ANKRD24: variants seen among roughly 807,000 people sequenced by gnomAD.
ANKRD24 encodes the protein ankyrin repeat domain-containing protein 24.
In ANKRD24, 109 loss-of-function variants were observed where a neutral mutation model predicts 127.8. That is an observed-to-expected ratio of 0.85 (90% CI 0.73 to 1.00). The LOEUF (loss-of-function observed/expected upper bound fraction) is 1.00. ANKRD24 is among the 50% of genes least tolerant of loss of function. The pLI, the probability that ANKRD24 is intolerant of heterozygous loss-of-function variation, is 0.00. For synonymous variants in ANKRD24, 743 were observed against 671.1 expected, an observed-to-expected ratio of 1.11 and a Z score of -1.66; for missense variants, 1,648 against 1,570.2, an observed-to-expected ratio of 1.05 and a Z score of -0.84.
chr19:4,186,150 A>G (rs1315264473), intron 1 of ANKRD24: 5 of 840,298 alleles, frequency 6.0e-6, no homozygotes, highest in Non-Finnish European at 5.0e-6. Flanking sequence ...ACTGACCATG[A>G]GTTGGTCAAG....
intron 15 of ANKRD24, among the ~76,000 whole-genome samples, chr19:4,213,070 G>C (rs1372457847): frequency 6.6e-6 from 1 of 152,276 alleles, no homozygotes; most frequent in African/African-American, 2.4e-5. Context: ...GGCGTAGTCT[G>C]CAGTGAGCTG....
At position 4,202,912 on chromosome 19, in the gene ANKRD24, C is replaced by A. The variant is rs1969174127; in HGVS notation, c.452C>A (p.Ala151Asp). 2 of 1,581,174 alleles carry A rather than the reference C, an allele frequency of 1.3e-6. No individual in the cohort carries two copies. Among genetic ancestry groups the A allele is most frequent in the Non-Finnish European group, 1.7e-6 (2 of 1,164,076 alleles). ...GTCGTGGACAGCAGCGGGTGGACTG[C>A]CCTACACCATGCAGGTGGGTGCAGC... The part of the protein sequence containing the change: ...VDVVDSSGWT[A>D]LHHAAAGGCL... The change falls in exon 7 of 22, where the codon GCC (alanine) becomes GAC (aspartate). Residue 151 changes from alanine (A) to aspartate (D), a missense_variant. Transcript: ENST00000318934.
At position 4,217,646 on chromosome 19, in the gene ANKRD24, CGCGGG is replaced by C; in HGVS notation, c.2489_2493del (p.Arg830ProfsTer51). On this transcript the variant is annotated frameshift_variant, in exon 18 of 22. Transcript: ENST00000318934. LOFTEE classifies it high-confidence loss of function. ...AGCCGGCTGCTGGCGGAGGAGGAGG[CGCGGG>C]GCCTGCGGGCCGAGCTGGCCCAGCG... is the stretch of plus-strand genomic sequence containing the variant. 7.8e-7 allele frequency: 1 copy of C among 1,285,484 alleles called. No individual in the cohort carries two copies. The highest frequency in any genetic ancestry group is 9.8e-7 in the Non-Finnish European group (1 of 1,019,866). 79.6% of individuals were successfully genotyped at this position (1,285,484 alleles called of 1,614,324 possible).
chr19:4,224,255 T>C, intron 21 of ANKRD24, 63 bp downstream of exon 21: 1 of 1,503,190 alleles, frequency 6.7e-7, no homozygotes, highest in Non-Finnish European at 9.1e-7. Context: ...TCTCTGAGCC[T>C]CAGTTTCCCC....
Position 4,199,321 on chromosome 19 carries a change from A to T in ANKRD24, c.37-362A>T, listed in dbSNP as rs1273380163. Among the ~76,000 whole-genome samples the T allele has an allele frequency of 6.6e-6, 1 of 151,920 alleles. No individual in the cohort carries two copies. The highest frequency in any genetic ancestry group is 1.5e-5 in the Non-Finnish European group (1 of 67,980). ...GTCTCAAAATTCCTGGGCTCAAATG[A>T]TCCTCCCACCTCAGCCTCCCAAGCA... On this transcript the variant is annotated intron_variant, in intron 2 of 21. Transcript: ENST00000318934. The surrounding 1 kb of genome is among the most constrained non-coding windows in gnomAD (Gnocchi z 5.2).
At chr19:4,212,413 G>A (rs1969790712) in intron 13 of ANKRD24, 62 bp from the exon 14 acceptor site, 1 of 1,533,358 alleles carries the variant, frequency 6.5e-7, no homozygotes, top group East Asian at 2.4e-5. Flanking sequence ...CTATGAAGCA[G>A]GAGGTGGGGC....
chr19:4,220,833 G>A (rs992332491), intron 19 of ANKRD24, among the ~76,000 whole-genome samples: 6 of 151,804 alleles, frequency 4.0e-5, no homozygotes, highest in African/African-American at 1.5e-4. Context: ...GGGATTACAG[G>A]CGTGAGTCAC....
Position 4,216,763 on chromosome 19 carries a change from A to G in ANKRD24, c.1603A>G (p.Thr535Ala). ...TGGGGAGAGTGAGGTTGCTGGAGCC[A>G]CGGCCACCAAAAACGGGCCAACCCA... ...ACGESEVAGA[T>A]ATKNGPTHME... The change falls in exon 18 of 22, where the codon ACG becomes GCG. Residue 535 changes from threonine to alanine, a missense_variant. Thr to Ala is a moderately conservative substitution (Grantham distance 58). Transcript: ENST00000318934. 6.3e-7 allele frequency: 1 copy of G among 1,587,516 alleles called. No individual in the cohort carries two copies. Among genetic ancestry groups the G allele is most frequent in the Non-Finnish European group, 8.6e-7 (1 of 1,167,660 alleles).
At position 4,222,699 on chromosome 19, in the gene ANKRD24, T is replaced by C; in HGVS notation, c.3201T>C (p.Asn1067=). The C allele has an allele frequency of 6.2e-7, 1 of 1,611,866 alleles. No homozygotes were observed. Among genetic ancestry groups the C allele is most frequent in the Non-Finnish European group, 8.5e-7 (1 of 1,178,614 alleles). The change falls in exon 20 of 22, where the codon AAT becomes AAC. Residue 1067 remains asparagine, a synonymous_variant. Coordinates refer to ENST00000318934, the MANE Select transcript of ANKRD24 (RefSeq NM_001393985.1). ...CAGAACTCTCCAAAGAAGTCTTCAA[T>C]CTTAAGGAAGCCTTGAAGGAGCAGC... is the stretch of plus-strand genomic sequence containing the variant. ...KITELSKEVF[N]LKEALKEQPA... is the part of the protein sequence containing the mutation.
At chr19:4,205,610 G>C (rs1195903676) in intron 7 of ANKRD24, among the ~76,000 whole-genome samples, 2 of 152,206 alleles carry the variant, frequency 1.3e-5, no homozygotes, top group South Asian at 4.1e-4. Context: ...CACTATGGGA[G>C]TCAGAGGTGG....
chr19:4,203,285 G>C (rs1016493695), intron 7 of ANKRD24, among the ~76,000 whole-genome samples: 1 of 152,088 alleles, frequency 6.6e-6, no homozygotes, highest in Non-Finnish European at 1.5e-5. Flanking sequence ...CTGACCTCAG[G>C]TGATCCACCC....
rs1314990397 is a variant in ANKRD24 at position 4,219,680 on chromosome 19, G to A, written c.3093G>A (p.Arg1031=). ...CAGAGCAGCAGCTACGGGGGCTACG[G>A]ACCGAGGCGGAAAGGGCTCGCCAGG... is the stretch of plus-strand genomic sequence containing the variant. ...ATAEQQLRGL[R]TEAERARQAQ... Residue 1031 remains arginine, a synonymous_variant, in exon 19 of 22, where the codon CGG becomes CGA. Coordinates refer to ENST00000318934, the MANE Select transcript of ANKRD24 (RefSeq NM_001393985.1). The A allele has an allele frequency of 1.9e-6, 3 of 1,613,854 alleles. No individual in the cohort carries two copies. The highest frequency in any genetic ancestry group is 2.2e-5 in the East Asian group (1 of 44,874).
Position 4,217,081 on chromosome 19 carries a change from GA to G in ANKRD24, c.1922del (p.Glu641GlyfsTer57). On this transcript the variant is annotated frameshift_variant, in exon 18 of 22. Coordinates refer to ENST00000318934, the MANE Select transcript of ANKRD24 (RefSeq NM_001393985.1). LOFTEE classifies it high-confidence loss of function. ...CACGGGAGTGGAGGCCATGGGGGTG[GA>G]GGCCACAAAAACAAAAGCAGAGGAA... Reference protein sequence around the residue: ...ETTGVEAMGVEATKTKAEEAE... With the variant: ...ETTGVEAMGVXATKTKAEEAE... 6.2e-7 allele frequency: 1 copy of G among 1,613,844 alleles called. No homozygotes were observed. The highest frequency in any genetic ancestry group is 2.2e-5 in the East Asian group (1 of 44,876).
chr19:4,198,246 TCAGCCCC>T lies in ANKRD24; in HGVS notation c.37-1421_37-1415del, dbSNP rs953676831. 53 of 494,510 alleles carry T rather than the reference TCAGCCCC, an allele frequency of 1.1e-4. No homozygotes were observed. The highest frequency in any genetic ancestry group is 5.1e-4 in the African/African-American group (25 of 49,000). The allele number at this position is 494,510 out of a possible 1,614,324, so 30.6% of individuals were successfully genotyped here. A position where few individuals can be genotyped will look rare whatever the true frequency, so the allele number is the denominator to read the frequency against. On this transcript the variant is annotated intron_variant, in intron 2 of 21. Coordinates refer to ENST00000318934, the MANE Select transcript of ANKRD24 (RefSeq NM_001393985.1). The surrounding 1 kb of genome is among the most constrained non-coding windows in gnomAD (Gnocchi z 6.1). ...AGGGGCCGGGGCGGCGCCCCTTCCC[TCAGCCCC>T]CAGCCCCCAGCCCCCTACCTGGGTC...
chr19:4,198,494 A>G lies in ANKRD24; in HGVS notation c.37-1189A>G. On this transcript the variant is annotated intron_variant, in intron 2 of 21. Coordinates refer to ENST00000318934, the MANE Select transcript of ANKRD24 (RefSeq NM_001393985.1). This position sits in a 1 kb window ranked among gnomAD's most constrained non-coding sequence, Gnocchi z 6.1. ...CCCCGCGCCCCGCGCCCCGGACGCCATGAAGCAGCTGTGTCTGTGCGCAGC... is the reference window on the plus strand; with the variant it reads ...CCCCGCGCCCCGCGCCCCGGACGCCGTGAAGCAGCTGTGTCTGTGCGCAGC... The G allele has an allele frequency of 4.8e-6, 3 of 623,014 alleles. No homozygotes were observed. Among genetic ancestry groups the G allele is most frequent in the East Asian group, 3.4e-5 (1 of 29,536 alleles). The allele number at this position is 623,014 out of a possible 1,614,324, so 38.6% of individuals were successfully genotyped here. A position where few individuals can be genotyped will look rare whatever the true frequency, so the allele number is the denominator to read the frequency against.
intron 13 of ANKRD24, among the ~76,000 whole-genome samples, chr19:4,210,702 G>C (rs1199155821): frequency 2.1e-5 from 3 of 145,766 alleles, no homozygotes; most frequent in Non-Finnish European, 4.4e-5. Flanking sequence ...TAGGCTCCTC[G>C]CCAAAGACAC....
chr19:4,200,440 GATGGGGAAGTAGCTGGC>G (rs547022299), intron 5 of ANKRD24, among the ~76,000 whole-genome samples: 18 of 152,250 alleles, frequency 1.2e-4, no homozygotes, highest in African/African-American at 3.9e-4. Context: ...GGTTCAGTTG[GATGGGGAAGTAGCTGGC>G]ATGGGGAAGT....
rs1436146548 is a variant in ANKRD24, at chr19:4,198,396, C to T, written c.37-1287C>T. ...GCGGGGAGCTCCGGCAGCGCCCAGCCCCGCCCTCCGGCCGCTCCCCGCGGT... is the reference window on the plus strand; with the variant it reads ...GCGGGGAGCTCCGGCAGCGCCCAGCTCCGCCCTCCGGCCGCTCCCCGCGGT... On this transcript the variant is annotated intron_variant, in intron 2 of 21. Transcript: ENST00000318934. This position sits in a 1 kb window ranked among gnomAD's most constrained non-coding sequence, Gnocchi z 6.1. The T allele has an allele frequency of 4.4e-6, 2 of 457,242 alleles. No homozygotes were observed. The highest frequency in any genetic ancestry group is 7.7e-6 in the Non-Finnish European group (2 of 259,020). The allele number at this position is 457,242 out of a possible 1,614,324, so 28.3% of individuals were successfully genotyped here. A position where few individuals can be genotyped will look rare whatever the true frequency, so the allele number is the denominator to read the frequency against.
intron 2 of ANKRD24, among the ~76,000 whole-genome samples, chr19:4,189,840 C>T (rs993889756): frequency 1.3e-4 from 20 of 152,076 alleles, no homozygotes; most frequent in African/African-American, 4.1e-4. Context: ...GAGGTTAAGA[C>T]ACCTGCTCAA....
Sources: gnomAD v4.1 joint callset for allele counts (sites outside exome capture counted in the v4.1 genomes callset) on GRCh38, gnomAD v4.1.1 for gene constraint, Gnocchi (gnomAD v3.1) non-coding constraint, MANE v1.5 for transcripts, NCBI Gene and HGNC (gene_info 2026-07-23, HGNC 2026-07-21) for gene names.